Variants in OR3A2 observed in about 807,000 individuals in gnomAD.
OR3A2 encodes the protein olfactory receptor family 3 subfamily A member 2.
For synonymous variants in OR3A2, 126 were observed against 159.3 expected (o/e 0.79, Z 1.57); for missense variants, 318 against 392.8 (o/e 0.81, Z 1.61).
At chr17:3,284,611 A>G (rs2048796257), upstream of OR3A2, 1 of 148,672 alleles carries the variant, frequency 6.7e-6, no homozygotes, top group Non-Finnish European at 1.5e-5. Flanking sequence ...GGCCCTTCAT[A>G]CTCATGGCAA....
At chr17:3,327,906 A>C (rs1422267526) in intron 3 of OR3A2, among the ~76,000 whole-genome samples, 37 of 140,862 alleles carry the variant, frequency 2.6e-4, no homozygotes, top group Admixed American at 4.9e-4. Context: ...GTTCTGTTCC[A>C]TTGACCTATA....
upstream of OR3A2, among the ~76,000 whole-genome samples, chr17:3,288,906 C>G (rs1225492646): frequency 6.6e-6 from 1 of 151,982 alleles, no homozygotes; most frequent in African/African-American, 2.4e-5. Context: ...TATTGGCAGT[C>G]GCAAAAATAG....
At chr17:3,317,040 G>A (rs1297279217) in intron 3 of OR3A2, among the ~76,000 whole-genome samples, 1 of 152,184 alleles carries the variant, frequency 6.6e-6, no homozygotes, top group Admixed American at 6.5e-5. Flanking sequence ...AAAGACTGCA[G>A]GGATTAAGAG....
chr17:3,372,689 C>T (rs560275665), intron 2 of OR3A2, among the ~76,000 whole-genome samples: 31 of 151,716 alleles, frequency 2.0e-4, no homozygotes, highest in African/African-American at 6.0e-4. Context: ...TCAGGCGTGG[C>T]GGCGCGCGCC....
chr17:3,360,031 C>T (rs2049497424), intron 2 of OR3A2, among the ~76,000 whole-genome samples: 1 of 151,768 alleles, frequency 6.6e-6, no homozygotes, highest in African/African-American at 2.4e-5. Flanking sequence ...GTTTACAGTC[C>T]CACCAACAGT....
Position 3,297,287 on chromosome 17 carries a change from T to A in OR3A2, c.-84-18134A>T, listed in dbSNP as rs118127799. 5.4e-3 allele frequency among the ~76,000 whole-genome samples: 817 copies of A among 152,314 alleles called. 2 individuals carry two copies. Among genetic ancestry groups the A allele is most frequent in the South Asian group, 0.019 (93 of 4,834 alleles). On this transcript the variant is annotated intron_variant, in intron 3 of 4. Coordinates refer to the OR3A2 transcript ENST00000573491. Reference sequence around the variant, plus strand: ...TATAAATACTCTGTGAATTGACATATCTATAGGAGCAGAACAATTCCCTTA... The same window carrying A: ...TATAAATACTCTGTGAATTGACATAACTATAGGAGCAGAACAATTCCCTTA...
chr17:3,330,613 C>G (rs1439719410), intron 3 of OR3A2, among the ~76,000 whole-genome samples: 1 of 152,008 alleles, frequency 6.6e-6, no homozygotes, highest in African/African-American at 2.4e-5. Context: ...TGTCTCTACA[C>G]GTGAGATGGG....
intron 2 of OR3A2, among the ~76,000 whole-genome samples, chr17:3,362,407 C>G (rs2049526606): frequency 6.6e-6 from 1 of 151,576 alleles, no homozygotes; most frequent in South Asian, 2.1e-4. Flanking sequence ...TTTTTTGTGT[C>G]TCTATCTCCT....
exon 2 of OR3A2, chr17:3,278,090 C>T (rs769434): frequency 0.17 from 266,523 of 1,613,920 alleles, 25,540 homozygotes; most frequent in Admixed American, 0.35. Flanking sequence ...AAACTCCAAC[C>T]CCTTTATCCT....
At chr17:3,361,435 G>A (rs2049515032) in intron 2 of OR3A2, among the ~76,000 whole-genome samples, 1 of 151,638 alleles carries the variant, frequency 6.6e-6, no homozygotes, top group Admixed American at 6.6e-5. Flanking sequence ...GCCCTGGCCA[G>A]AACTTCCAAC....
intron 3 of OR3A2, chr17:3,310,792 C>G (rs1335993026): frequency 1.6e-6 from 1 of 644,612 alleles, no homozygotes; most frequent in African/African-American, 1.9e-5. Flanking sequence ...AATGCACTGA[C>G]CCAAACTGTT....
chr17:3,337,928 C>T (rs1020120920), intron 2 of OR3A2, among the ~76,000 whole-genome samples: 1 of 152,170 alleles, frequency 6.6e-6, no homozygotes, highest in African/African-American at 2.4e-5. Context: ...ACATCCTTTC[C>T]AGCGCCTGTT....
At chr17:3,361,766 C>G (rs1469375723) in intron 2 of OR3A2, among the ~76,000 whole-genome samples, 1 of 151,472 alleles carries the variant, frequency 6.6e-6, no homozygotes, top group Non-Finnish European at 1.5e-5. Flanking sequence ...GGGATGAAGT[C>G]CAGTTGATCG....
intron 1 of OR3A2, among the ~76,000 whole-genome samples, chr17:3,282,178 G>A (rs2048780703): frequency 6.6e-6 from 1 of 152,154 alleles, no homozygotes; most frequent in Non-Finnish European, 1.5e-5. Flanking sequence ...ACTTTGGGAG[G>A]CTGAGGTGGG....
chr17:3,291,993 A>C (rs1419776080), intron 3 of OR3A2: 2 of 1,614,194 alleles, frequency 1.2e-6, no homozygotes, highest in East Asian at 4.5e-5. Context: ...CAGCTCATTG[A>C]GTTGGGTGCT....
chr17:3,311,797 TCAGAC>T lies in OR3A2; in HGVS notation c.-85+24231_-85+24235del. 4.9e-6 allele frequency: 1 copy of T among 202,190 alleles called. No homozygotes were observed. The highest frequency in any genetic ancestry group is 1.0e-5 in the Non-Finnish European group (1 of 96,516). 12.5% of individuals were successfully genotyped at this position (202,190 alleles called of 1,614,324 possible). A position where few individuals can be genotyped will look rare whatever the true frequency, so the allele number is the denominator to read the frequency against. On this transcript the variant is annotated intron_variant, in intron 3 of 4. Coordinates refer to the OR3A2 transcript ENST00000573491. This position sits in a 1 kb window ranked among gnomAD's most constrained non-coding sequence, Gnocchi z 4.6. Reference sequence around the variant, plus strand: ...CATGTGTCTGGGCTCAGTCTCAGCCTCAGACAAAGATAAGGGGATTGGGATCCTCA... The same window carrying T: ...CATGTGTCTGGGCTCAGTCTCAGCCTAAAGATAAGGGGATTGGGATCCTCA...
intron 3 of OR3A2, among the ~76,000 whole-genome samples, chr17:3,309,508 C>T (rs2049023625): frequency 6.6e-6 from 1 of 152,152 alleles, no homozygotes; most frequent in South Asian, 2.1e-4. Context: ...ACCAAACCCA[C>T]CTGGGAGCCT....
intron 3 of OR3A2, among the ~76,000 whole-genome samples, chr17:3,321,273 T>C (rs1451588767): frequency 1.3e-5 from 2 of 152,030 alleles, no homozygotes; most frequent in Non-Finnish European, 2.9e-5. Context: ...CTTAAGGAGA[T>C]TTTGGGCTGA....
chr17:3,385,832 T>A, intron 1 of OR3A2: 1 of 398,280 alleles, frequency 2.5e-6, no homozygotes, highest in Non-Finnish European at 4.4e-6. Flanking sequence ...AAAATGTATA[T>A]CTGGAACCTC....
Sources: allele counts gnomAD v4.1 joint callset (sites outside exome capture counted in the v4.1 genomes callset), GRCh38; gene constraint gnomAD v4.1.1; non-coding constraint Gnocchi (gnomAD v3.1); transcripts MANE v1.5; gene names NCBI Gene and HGNC (gene_info 2026-07-23, HGNC 2026-07-21).